Variants in ABCA10 observed in about 807,000 individuals in gnomAD.
ABCA10 encodes ATP binding cassette subfamily A member 10, also known as ATP-binding cassette sub-family A member 10.
ABCA10 carries 169 observed loss-of-function variants against 187.5 expected under a neutral mutation model. That is an observed-to-expected ratio of 0.90 (90% confidence interval 0.80 to 1.02). The LOEUF (loss-of-function observed/expected upper bound fraction) is 1.02, where lower values mean the gene tolerates loss of function less well. Ranked by LOEUF, ABCA10 falls within the 50% of genes least tolerant of loss-of-function variation. The pLI is 0.00. For synonymous variants in ABCA10, 574 were observed against 601.8 expected, an observed-to-expected ratio of 0.95 and a Z score of 0.68; for missense variants, 1,727 against 1,812.4, an observed-to-expected ratio of 0.95 and a Z score of 0.86.
At chr17:69,181,150 T>TATAC (rs2074377870) in intron 22 of ABCA10, among the ~76,000 whole-genome samples, 1 of 152,166 alleles carries the variant, frequency 6.6e-6, no homozygotes, top group South Asian at 2.1e-4. Flanking sequence ...TGTGGGTGTG[T>TATAC]ATACATACAT....
rs527758544 is a variant in ABCA10, at chr17:69,227,667, G to C, written c.-312-382C>G. Among the ~76,000 whole-genome samples the C allele has an allele frequency of 1.4e-4, 22 of 151,938 alleles. No homozygotes were observed. The South Asian group carries it at 4.6e-3, about 32-fold the overall frequency. On this transcript the variant is annotated intron_variant, in intron 1 of 38. Coordinates refer to ENST00000690296, the MANE Select transcript of ABCA10 (RefSeq NM_001377321.1). ...TTGTTAAGAAAAAGAAGTTTAACAG[G>C]AAGAAACCACTTTGCAGTTCCTTGT...
At chr17:69,154,951 C>G (rs968816839) in intron 30 of ABCA10, 68 bp downstream of exon 30, 1 of 1,183,222 alleles carries the variant, frequency 8.5e-7, no homozygotes, top group Admixed American at 2.2e-5. Flanking sequence ...AAATTTGTCC[C>G]CTTTGTAGTC....
intron 20 of ABCA10, among the ~76,000 whole-genome samples, chr17:69,184,154 T>TGG (rs1317532767): frequency 6.6e-6 from 1 of 152,054 alleles, no homozygotes; most frequent in Non-Finnish European, 1.5e-5. Context: ...CCTGGGAACA[T>TGG]AACTCCATCG....
At chr17:69,180,496 G>T (rs530752302) in intron 22 of ABCA10, among the ~76,000 whole-genome samples, 4 of 151,456 alleles carry the variant, frequency 2.6e-5, no homozygotes, top group Non-Finnish European at 5.9e-5. Flanking sequence ...TTAGGAGATT[G>T]ATTAAAAAAA....
chr17:69,191,668 T>C (rs2074461304), intron 16 of ABCA10, among the ~76,000 whole-genome samples: 1 of 152,238 alleles, frequency 6.6e-6, no homozygotes, highest in African/African-American at 2.4e-5. Flanking sequence ...TGTGTGTGTA[T>C]ATATACATAT....
At chr17:69,239,680 T>A (rs944530919) in intron 1 of ABCA10, among the ~76,000 whole-genome samples, 16 of 152,254 alleles carry the variant, frequency 1.1e-4, no homozygotes, top group African/African-American at 3.9e-4. Flanking sequence ...AGGTTTCTAA[T>A]TGTTGAGTGC....
At chr17:69,182,129 A>C in intron 22 of ABCA10, 24 bp downstream of exon 22, 1 of 1,541,718 alleles carries the variant, frequency 6.5e-7, no homozygotes, top group South Asian at 1.3e-5. Context: ...GTTGCCTCTT[A>C]TATAAGTCGA....
chr17:69,191,503 G>T (rs1471170817), intron 16 of ABCA10, among the ~76,000 whole-genome samples, 188 bp from the exon 17 acceptor site: 1 of 152,130 alleles, frequency 6.6e-6, no homozygotes, highest in Admixed American at 6.5e-5. Context: ...CTAATTGGTA[G>T]CCTATTTTGC....
rs140673111 is a variant in ABCA10, at chr17:69,194,427, T to C, written c.1303A>G (p.Thr435Ala). 729 of 1,613,210 alleles carry C rather than the reference T, an allele frequency of 4.5e-4. 5 individuals are homozygous for C. The African/African-American group carries it at 9.0e-3, about 20-fold the overall frequency. Residue 435 changes from threonine to alanine, a missense_variant, in exon 12 of 39, where the codon ACA (threonine) becomes GCA (alanine). Transcript: ENST00000690296. The part of the protein sequence containing the change: ...ILGHNGAGKS[T>A]LLNILSGLSV... ...AATCCACTAAGAATGTTTAGCAGTG[T>C]TGATTTACCAGCTCCATTATGCCCA...
Position 69,185,647 on chromosome 17 carries a change from A to G in ABCA10, c.2331-4T>C, listed in dbSNP as rs1434370393. On this transcript the variant is annotated splice_region_variant and splice_polypyrimidine_tract_variant and intron_variant, in intron 19 of 38. Coordinates refer to ENST00000690296, the MANE Select transcript of ABCA10 (RefSeq NM_001377321.1). ...AGCAATTCCAAGTACTAGTAACCTA[A>G]GTAAAACAAAATTATAACATGAGTC... 1 of 1,579,068 alleles carries G rather than the reference A, an allele frequency of 6.3e-7. No homozygotes were observed.
chr17:69,219,446 G>C lies in ABCA10; in HGVS notation c.530+99C>G, dbSNP rs576989812. 7 of 787,222 alleles carry C rather than the reference G, an allele frequency of 8.9e-6. No individual in the cohort carries two copies. The African/African-American group carries it at 1.2e-4, about 14-fold the overall frequency. The allele number at this position is 787,222 out of a possible 1,614,324, so 48.8% of individuals were successfully genotyped here. A position where few individuals can be genotyped will look rare whatever the true frequency, so the allele number is the denominator to read the frequency against. On this transcript the variant is annotated intron_variant, in intron 6 of 38. Transcript: ENST00000690296. ...CAAGTAAGGTGATTAAATTGAATAC[G>C]TGCAAGAAAACTTGTGAGTGCGTCC...
At chr17:69,211,527 T>C (rs981705434) in intron 9 of ABCA10, among the ~76,000 whole-genome samples, 1 of 151,404 alleles carries the variant, frequency 6.6e-6, no homozygotes, top group East Asian at 1.9e-4. Context: ...TCTTTCTCTA[T>C]CTTTTGAAAT....
chr17:69,152,846 A>C (rs186799749), intron 34 of ABCA10, among the ~76,000 whole-genome samples: 2 of 152,042 alleles, frequency 1.3e-5, no homozygotes, highest in East Asian at 3.9e-4. Context: ...TACAAGAGAA[A>C]ATCTTTGCCA....
intron 32 of ABCA10, 50 bp downstream of exon 32, chr17:69,153,781 A>T (rs776454354): frequency 6.4e-7 from 1 of 1,551,476 alleles, no homozygotes; most frequent in Non-Finnish European, 8.7e-7. Flanking sequence ...TGAAGAAATG[A>T]CATATTTTCC....
intron 27 of ABCA10, among the ~76,000 whole-genome samples, chr17:69,161,096 T>C (rs1461726773): frequency 6.6e-6 from 1 of 152,182 alleles, no homozygotes; most frequent in South Asian, 2.1e-4. Context: ...AATCTTGACA[T>C]ATGTCTCAAC....
chr17:69,242,054 G>C (rs909777922), intron 1 of ABCA10, among the ~76,000 whole-genome samples: 3 of 152,136 alleles, frequency 2.0e-5, no homozygotes, highest in African/African-American at 7.2e-5. Flanking sequence ...TAGCAGATAT[G>C]ATAACACTAG....
At position 69,219,737 on chromosome 17, in the gene ABCA10, G is replaced by A. The variant is rs767340348; in HGVS notation, c.338C>T (p.Thr113Ile). The A allele has an allele frequency of 1.2e-6, 2 of 1,605,302 alleles. No homozygotes were observed. Among genetic ancestry groups the A allele is most frequent in the African/African-American group, 1.3e-5 (1 of 74,762 alleles). ...TTNHSVMEEL[T>I]SVIGINMKIP... ...CTTCATATTTATTCCAATAACTGAT[G>A]TCAACTCCTCCATTACAGAATGATT... Residue 113 changes from threonine (T) to isoleucine (I), a missense_variant, in exon 6 of 39, where the codon ACA becomes ATA. Physicochemically the swap from Thr to Ile is moderately conservative, Grantham distance 89 (BLOSUM62 -1). Coordinates refer to ENST00000690296, the MANE Select transcript of ABCA10 (RefSeq NM_001377321.1).
upstream of ABCA10, among the ~76,000 whole-genome samples, chr17:69,230,501 ACATATT>A (rs1291754093): frequency 7.1e-6 from 1 of 141,166 alleles, no homozygotes; most frequent in Non-Finnish European, 1.5e-5. Flanking sequence ...CTTAGCCTTT[ACATATT>A]TATAATTATA....
intron 25 of ABCA10, 146 bp from the exon 26 acceptor site, chr17:69,165,229 T>C (rs1360638474): frequency 4.3e-6 from 3 of 700,210 alleles, no homozygotes; most frequent in Non-Finnish European, 7.0e-6. Flanking sequence ...ATATCCTCTT[T>C]AGGAAGTCTC....
Sources: gnomAD v4.1 joint callset for allele counts (sites outside exome capture counted in the v4.1 genomes callset) on GRCh38, gnomAD v4.1.1 for gene constraint, MANE v1.5 for transcripts, NCBI Gene and HGNC (gene_info 2026-07-23, HGNC 2026-07-21) for gene names.